LINS1: variants seen among roughly 807,000 people sequenced by gnomAD.
LINS1 encodes the protein protein Lines homolog 1.
Under a neutral mutation model 41.6 loss-of-function variants are expected in LINS1, and 27 were observed. The ratio of observed to expected loss-of-function variants is 0.65; its 90% CI spans 0.48 to 0.89. LINS1 has a LOEUF of 0.89. Among genes scored for constraint, LINS1 ranks in the 40% least tolerant of loss-of-function variants. The pLI is 0.00. For missense variants in LINS1, 955 were observed against 884.1 expected, an observed-to-expected ratio of 1.08 and a Z score of -1.02; for synonymous variants, 336 against 312.9, an observed-to-expected ratio of 1.07 and a Z score of -0.78.
At position 100,569,491 on chromosome 15, in the gene LINS1, C is replaced by CT. The variant is rs1261920708; in HGVS notation, c.2020dup (p.Ser674LysfsTer3). 43 of 1,614,040 alleles carry CT rather than the reference C, an allele frequency of 2.7e-5. No individual in the cohort carries two copies. The highest frequency in any genetic ancestry group is 3.6e-5 in the Non-Finnish European group (43 of 1,180,038). ...CAGAGGCCTTGATGGAGGCTCAAGG[C>CT]TAAATTCTTTTTTATCCCTGCTTGT... On this transcript the variant is annotated frameshift_variant, in exon 7 of 7. Transcript: ENST00000314742. LOFTEE classifies it low-confidence loss of function (END_TRUNC).
chr15:100,580,660 G>A lies in LINS1; in HGVS notation c.183C>T (p.Pro61=), dbSNP rs1213023679. The stretch of plus-strand genomic sequence containing the variant: ...CAATGGGAGCCACACCAACAGAGAT[G>A]GGCTGATGCCTGCCCTGGATACCAC... ...NTCGIQGRHQ[P]ISVGVAPIAV... The change falls in exon 2 of 7, where the codon CCC becomes CCT. Residue 61 remains proline (P), a synonymous_variant. Coordinates refer to ENST00000314742, the MANE Select transcript of LINS1 (RefSeq NM_001040616.3). The A allele has an allele frequency of 4.3e-6, 7 of 1,613,922 alleles. No homozygotes were observed. The highest frequency in any genetic ancestry group is 5.9e-6 in the Non-Finnish European group (7 of 1,179,934).
chr15:100,597,734 A>T (rs2039307416), intron 1 of LINS1, among the ~76,000 whole-genome samples: 1 of 152,140 alleles, frequency 6.6e-6, no homozygotes, highest in South Asian at 2.1e-4. Flanking sequence ...TCCCTTTTCC[A>T]TCTGCCCCCA....
At chr15:100,573,266 G>T (rs896551679) in intron 5 of LINS1, 1 of 565,914 alleles carries the variant, frequency 1.8e-6, no homozygotes, top group East Asian at 1.1e-4. Flanking sequence ...TGGGCCGAAG[G>T]GGGGTCAGGG....
intron 5 of LINS1, chr15:100,573,363 T>C (rs2037952802): frequency 1.2e-5 from 15 of 1,237,314 alleles, no homozygotes; most frequent in Non-Finnish European, 1.4e-5. Flanking sequence ...AATACTTGAA[T>C]ATGAATTGAT....
At chr15:100,585,810 T>C (rs915414164) in intron 1 of LINS1, among the ~76,000 whole-genome samples, 1 of 152,222 alleles carries the variant, frequency 6.6e-6, no homozygotes, top group African/African-American at 2.4e-5. Flanking sequence ...AGTATAACTT[T>C]ACTAAATAAG....
rs748608282 is a variant in LINS1, at chr15:100,580,872, G to C, written c.-30C>G. ...ACTTCCAAAATGTATCTTATAAGAA[G>C]GTCGACAACTCCAAGTTGTAAACAT... On this transcript the variant is annotated 5_prime_UTR_variant, in exon 2 of 7. Coordinates refer to ENST00000314742, the MANE Select transcript of LINS1 (RefSeq NM_001040616.3). 27 of 1,592,392 alleles carry C rather than the reference G, an allele frequency of 1.7e-5. No homozygotes were observed. The highest frequency in any genetic ancestry group is 2.2e-5 in the South Asian group (2 of 89,260).
At chr15:100,595,725 C>A (rs1017197968) in intron 1 of LINS1, among the ~76,000 whole-genome samples, 6 of 152,148 alleles carry the variant, frequency 3.9e-5, no homozygotes, top group African/African-American at 7.2e-5. Context: ...ACTACATAGA[C>A]TAATAGACTG....
At chr15:100,576,094 C>A (rs543635864) in intron 3 of LINS1, among the ~76,000 whole-genome samples, 3 of 152,162 alleles carry the variant, frequency 2.0e-5, no homozygotes, top group East Asian at 3.9e-4. Context: ...AATTGACACC[C>A]TAACATCACA....
intron 1 of LINS1, chr15:100,596,983 C>T (rs2039276282): frequency 6.6e-6 from 1 of 152,186 alleles, no homozygotes; most frequent in Non-Finnish European, 1.5e-5. Flanking sequence ...GGGAACTGCC[C>T]ACCCATTTCC....
intron 1 of LINS1, among the ~76,000 whole-genome samples, chr15:100,588,559 AT>A (rs2038907818): frequency 6.6e-6 from 1 of 152,228 alleles, no homozygotes; most frequent in Non-Finnish European, 1.5e-5. Flanking sequence ...AAATGTAAAC[AT>A]TTGGTCTAAA....
rs191519661 is a variant in LINS1 at position 100,580,876 on chromosome 15, G to A, written c.-34C>T. On this transcript the variant is annotated 5_prime_UTR_variant, in exon 2 of 7. An upstream open reading frame in the 5' UTR gains an earlier in-frame stop. Transcript: ENST00000314742. ...CCAAAATGTATCTTATAAGAAGGTC[G>A]ACAACTCCAAGTTGTAAACATTAAA... The A allele has an allele frequency of 6.6e-5, 104 of 1,584,878 alleles. No individual in the cohort carries two copies. The highest frequency in any genetic ancestry group is 5.3e-5 in the Non-Finnish European group (62 of 1,159,634).
intron 3 of LINS1, among the ~76,000 whole-genome samples, chr15:100,575,618 G>C (rs1467445783): frequency 6.6e-6 from 1 of 152,108 alleles, no homozygotes; most frequent in African/African-American, 2.4e-5. Context: ...AGAACAACGA[G>C]ACAGAAAGTT....
chr15:100,574,721 A>C (rs1343824608), intron 4 of LINS1, among the ~76,000 whole-genome samples: 1 of 152,190 alleles, frequency 6.6e-6, no homozygotes, highest in Non-Finnish European at 1.5e-5. Context: ...AAATAAAACA[A>C]AACAAAACAA....
intron 3 of LINS1, among the ~76,000 whole-genome samples, chr15:100,576,104 A>C (rs2038159807): frequency 6.6e-6 from 1 of 152,204 alleles, no homozygotes. Flanking sequence ...CTAACATCAC[A>C]ATTAAAAGAA....
chr15:100,587,600 T>C (rs1194264630), intron 1 of LINS1, among the ~76,000 whole-genome samples: 1 of 152,168 alleles, frequency 6.6e-6, no homozygotes, highest in Non-Finnish European at 1.5e-5. Flanking sequence ...TTTTTTAAGT[T>C]CCTAAGTGGA....
intron 4 of LINS1, 48 bp downstream of exon 4, chr15:100,574,939 C>T: frequency 1.3e-6 from 2 of 1,592,322 alleles, no homozygotes; most frequent in Non-Finnish European, 1.7e-6. Flanking sequence ...AAATGCAACG[C>T]TCCCAGGAGC....
At chr15:100,590,273 T>C (rs1280153562) in intron 1 of LINS1, among the ~76,000 whole-genome samples, 5 of 151,870 alleles carry the variant, frequency 3.3e-5, no homozygotes, top group Non-Finnish European at 7.4e-5. Context: ...ACTTATGGGG[T>C]ACACTTTTAT....
At chr15:100,587,489 T>C (rs917333903) in intron 1 of LINS1, among the ~76,000 whole-genome samples, 1 of 152,152 alleles carries the variant, frequency 6.6e-6, no homozygotes, top group Non-Finnish European at 1.5e-5. Context: ...TGGGAAAATT[T>C]AGGGTTGGTT....
rs776413809 is a variant in LINS1, at chr15:100,569,489, G to A, written c.2023C>T (p.Leu675Phe). 6.2e-6 allele frequency: 10 copies of A among 1,614,060 alleles called. No individual in the cohort carries two copies. The African/African-American group carries it at 9.3e-5, about 15-fold the overall frequency. ...GTSRDKKEFSLEPPSRPLVLK... is the reference protein window; with the variant it reads ...GTSRDKKEFSFEPPSRPLVLK... ...ACCAGAGGCCTTGATGGAGGCTCAA[G>A]GCTAAATTCTTTTTTATCCCTGCTT... Residue 675 changes from leucine to phenylalanine, a missense_variant, in exon 7 of 7, where the codon CTT becomes TTT. Coordinates refer to ENST00000314742, the MANE Select transcript of LINS1 (RefSeq NM_001040616.3).
Sources: allele counts gnomAD v4.1 joint callset (sites outside exome capture counted in the v4.1 genomes callset), GRCh38; gene constraint gnomAD v4.1.1; transcripts MANE v1.5; gene names NCBI Gene and HGNC (gene_info 2026-07-23, HGNC 2026-07-21).